The following DCDC1 variants were observed in gnomAD, a reference collection of about 807,000 sequenced individuals.
DCDC1 encodes the protein doublecortin domain containing 1.
In DCDC1, 200 loss-of-function variants were observed where a neutral mutation model predicts 178.3. The observed-to-expected ratio is 1.12, with a 90% CI of 1.00 to 1.26. DCDC1 has a LOEUF of 1.26. Among genes scored for constraint, DCDC1 ranks in the 50% most tolerant of loss-of-function variants. DCDC1 has a pLI of 0.00. For synonymous variants in DCDC1, 690 were observed against 604.8 expected (o/e 1.14, Z -2.07); for missense variants, 1,983 against 1,749.2 (o/e 1.13, Z -2.38).
At chr11:31,157,388 C>CAT (rs1565362015) in intron 9 of DCDC1, among the ~76,000 whole-genome samples, 7 of 100,750 alleles carry the variant, frequency 6.9e-5, no homozygotes, top group African/African-American at 1.9e-4. Context: ...TATATATATA[C>CAT]ATATATATAC....
chr11:31,083,490 C>A (rs2135594727), intron 17 of DCDC1, among the ~76,000 whole-genome samples: 1 of 152,100 alleles, frequency 6.6e-6, no homozygotes, highest in Non-Finnish European at 1.5e-5. Context: ...ATGAGGGCTG[C>A]CAAAGGGAAC....
At chr11:31,200,489 A>G (rs1971163402) in intron 9 of DCDC1, among the ~76,000 whole-genome samples, 1 of 152,108 alleles carries the variant, frequency 6.6e-6, no homozygotes, top group South Asian at 2.1e-4. Flanking sequence ...ATTTTTGAGT[A>G]AGGAAAAAAT....
At chr11:31,122,384 A>G (rs1373032463) in intron 11 of DCDC1, among the ~76,000 whole-genome samples, 1 of 152,128 alleles carries the variant, frequency 6.6e-6, no homozygotes, top group African/African-American at 2.4e-5. Context: ...AGTCCTGCCT[A>G]TACAATAAAA....
At chr11:31,069,143 G>T (rs1215004896) in intron 18 of DCDC1, among the ~76,000 whole-genome samples, 1 of 151,986 alleles carries the variant, frequency 6.6e-6, no homozygotes, top group African/African-American at 2.4e-5. Context: ...GAGCCACCGC[G>T]CCTGGCCCAT....
At chr11:30,951,889 TG>T (rs1413154860) in intron 21 of DCDC1, among the ~76,000 whole-genome samples, 2 of 152,130 alleles carry the variant, frequency 1.3e-5, no homozygotes, top group Non-Finnish European at 2.9e-5. Context: ...AATTCACACC[TG>T]TAATTGCAAC....
In DCDC1 at chr11:30,894,299, G is replaced by A. The variant is rs185310624; in HGVS notation, c.4851C>T (p.Thr1617=). The change falls in exon 35 of 39, where the codon ACC becomes ACT. Residue 1617 remains threonine, a synonymous_variant. Coordinates refer to ENST00000684477, the MANE Select transcript of DCDC1 (RefSeq NM_001387274.1). The part of the protein sequence containing the change: ...VQPVVVEGGW[T]EQTQQEIKLM... ...GTTTAATTTCCTGTTGAGTCTGTTC[G>A]GTCCAGCCTCCTTCAACCACCACGG... 19 of 1,613,642 alleles carry A rather than the reference G, an allele frequency of 1.2e-5. No individual in the cohort carries two copies. The highest frequency in any genetic ancestry group is 8.0e-5 in the African/African-American group (6 of 74,974).
intron 11 of DCDC1, among the ~76,000 whole-genome samples, chr11:31,122,458 G>C (rs1960952806): frequency 6.6e-6 from 1 of 152,068 alleles, no homozygotes; most frequent in Non-Finnish European, 1.5e-5. Context: ...GCTGGTAAAT[G>C]TTTAGCAACC....
intron 1 of DCDC1, among the ~76,000 whole-genome samples, chr11:31,349,942 C>A (rs977478730): frequency 2.0e-5 from 3 of 152,122 alleles, no homozygotes; most frequent in Non-Finnish European, 4.4e-5. Flanking sequence ...TTTTTATTAC[C>A]TGTTTAATAT....
intron 21 of DCDC1, among the ~76,000 whole-genome samples, chr11:30,950,304 A>G (rs1948341467): frequency 6.6e-6 from 1 of 152,196 alleles, no homozygotes; most frequent in African/African-American, 2.4e-5. Context: ...TCCAAAAACT[A>G]AAAATAGAAC....
intron 20 of DCDC1, among the ~76,000 whole-genome samples, chr11:31,005,096 C>T (rs1027021035): frequency 3.3e-5 from 5 of 152,150 alleles, no homozygotes; most frequent in Admixed American, 6.5e-5. Flanking sequence ...CTTGCTATTT[C>T]TGTTATTTAC....
intron 20 of DCDC1, among the ~76,000 whole-genome samples, chr11:31,055,908 C>T (rs1955556243): frequency 6.6e-6 from 1 of 152,074 alleles, no homozygotes; most frequent in Non-Finnish European, 1.5e-5. Flanking sequence ...GTGTACACTG[C>T]TCGCGTGATG....
At chr11:30,987,434 C>A (rs1950717597) in intron 20 of DCDC1, among the ~76,000 whole-genome samples, 1 of 152,082 alleles carries the variant, frequency 6.6e-6, no homozygotes, top group Non-Finnish European at 1.5e-5. Flanking sequence ...CAGACATGAA[C>A]AAGACAAACA....
intron 20 of DCDC1, among the ~76,000 whole-genome samples, chr11:30,957,515 A>G (rs1005036202): frequency 2.0e-5 from 3 of 152,180 alleles, no homozygotes; most frequent in Admixed American, 6.6e-5. Flanking sequence ...CTGACCTGGC[A>G]GACCCAATTG....
At chr11:31,000,954 G>C (rs1417090343) in intron 20 of DCDC1, among the ~76,000 whole-genome samples, 1 of 152,076 alleles carries the variant, frequency 6.6e-6, no homozygotes, top group East Asian at 1.9e-4. Context: ...GATAACTTGA[G>C]ACTGTATATA....
intron 9 of DCDC1, among the ~76,000 whole-genome samples, chr11:31,155,416 A>G (rs1156452432): frequency 6.6e-6 from 1 of 152,230 alleles, no homozygotes; most frequent in South Asian, 2.1e-4. Flanking sequence ...TGTTTGAGCT[A>G]TTTGTCCCAA....
intron 15 of DCDC1, among the ~76,000 whole-genome samples, chr11:31,101,513 C>A (rs1220989192): frequency 1.3e-5 from 2 of 152,092 alleles, no homozygotes; most frequent in Non-Finnish European, 2.9e-5. Flanking sequence ...TAGATCAGAT[C>A]CTAAACTATA....
chr11:30,970,268 C>A (rs541017406), intron 20 of DCDC1, among the ~76,000 whole-genome samples: 1 of 152,286 alleles, frequency 6.6e-6, no homozygotes, highest in African/African-American at 2.4e-5. Flanking sequence ...AGAGAGAGCT[C>A]ATGCTGGTTC....
At chr11:31,237,594 G>T (rs777301260) in intron 9 of DCDC1, among the ~76,000 whole-genome samples, 1 of 151,814 alleles carries the variant, frequency 6.6e-6, no homozygotes, top group Non-Finnish European at 1.5e-5. Flanking sequence ...ATTAAGTAAT[G>T]ATTTACTACA....
chr11:31,231,304 GAAATACATATATAACAGC>G (rs1421088492), intron 9 of DCDC1, among the ~76,000 whole-genome samples: 1 of 151,928 alleles, frequency 6.6e-6, no homozygotes, highest in Non-Finnish European at 1.5e-5. Context: ...TTCCTTAACA[GAAATACATATATAACAGC>G]AAGGAAAGAT....
Sources: gnomAD v4.1 joint callset for allele counts (sites outside exome capture counted in the v4.1 genomes callset) on GRCh38, gnomAD v4.1.1 for gene constraint, MANE v1.5 for transcripts, NCBI Gene and HGNC (gene_info 2026-07-23, HGNC 2026-07-21) for gene names.